Variants in DEAF1 observed in about 807,000 individuals in gnomAD.
The protein encoded by DEAF1 is deformed epidermal autoregulatory factor 1 homolog.
In DEAF1, 53 loss-of-function variants were observed where a neutral mutation model predicts 58.9. That is an observed-to-expected ratio of 0.90 (90% CI 0.72 to 1.13). DEAF1 has a LOEUF of 1.13. DEAF1 is among the 50% of genes most tolerant of loss of function. DEAF1 has a pLI of 0.00. For synonymous variants in DEAF1, 385 were observed against 340.4 expected (o/e 1.13, Z -1.44); for missense variants, 685 against 791.4 (o/e 0.87, Z 1.61).
At position 688,228 on chromosome 11, in the gene DEAF1, C is replaced by T. The variant is rs1267919019; in HGVS notation, c.517+103G>A. On this transcript the variant is annotated intron_variant, in intron 3 of 11. Coordinates refer to ENST00000382409, the MANE Select transcript of DEAF1 (RefSeq NM_021008.4). The surrounding 1 kb of genome is among the most constrained non-coding windows in gnomAD (Gnocchi z 4.3). ...TAAAATCTATTAATAGATGATATTC[C>T]AAATTTACCACAAAAAGAAACAAGT... 2 of 1,533,036 alleles carry T rather than the reference C, an allele frequency of 1.3e-6. No individual in the cohort carries two copies. The highest frequency in any genetic ancestry group is 1.8e-6 in the Non-Finnish European group (2 of 1,133,990). 95.0% of individuals were successfully genotyped at this position (1,533,036 alleles called of 1,614,324 possible). A position where few individuals can be genotyped will look rare whatever the true frequency, so the allele number is the denominator to read the frequency against.
At position 688,600 on chromosome 11, in the gene DEAF1, T is replaced by C; in HGVS notation, c.388-140A>G. ...ACGCTCACCTAGGCACCCCATATCT[T>C]TTCCAAAGATACCTCTCAAAGACTT... On this transcript the variant is annotated intron_variant, in intron 2 of 11. Coordinates refer to ENST00000382409, the MANE Select transcript of DEAF1 (RefSeq NM_021008.4). The surrounding 1 kb of genome is among the most constrained non-coding windows in gnomAD (Gnocchi z 4.3). 2 of 958,116 alleles carry C rather than the reference T, an allele frequency of 2.1e-6. No individual in the cohort carries two copies. Among genetic ancestry groups the C allele is most frequent in the Non-Finnish European group, 3.2e-6 (2 of 616,616 alleles). 59.4% of individuals were successfully genotyped at this position (958,116 alleles called of 1,614,324 possible).
At chr11:687,085 C>T in intron 4 of DEAF1, 88 bp from the exon 5 acceptor site, 1 of 1,579,316 alleles carries the variant, frequency 6.3e-7, no homozygotes, top group Non-Finnish European at 8.6e-7. Flanking sequence ...TCAACCCCTC[C>T]ACCAGCACCA....
chr11:673,529 CAAATAA>C (rs926901875), intron 10 of DEAF1, among the ~76,000 whole-genome samples: 62 of 151,850 alleles, frequency 4.1e-4, no homozygotes, highest in African/African-American at 1.4e-3. Flanking sequence ...GCCTGTTCCA[CAAATAA>C]AAATAAAAAT....
In DEAF1 at chr11:687,957, C is replaced by T; in HGVS notation, c.618G>A (p.Arg206=). ...PSVYDSELPV[R]CRNISGTLYK... ...ACAGAGTGCCGCTGATGTTCCGGCA[C>T]CGTACGGGCAGCTCACTGTCGTACA... Residue 206 remains arginine, a synonymous_variant, in exon 4 of 12, where the codon CGG becomes CGA. Transcript: ENST00000382409. The T allele has an allele frequency of 6.2e-7, 1 of 1,614,120 alleles. No individual in the cohort carries two copies. Among genetic ancestry groups the T allele is most frequent in the Non-Finnish European group, 8.5e-7 (1 of 1,180,026 alleles).
intron 2 of DEAF1, among the ~76,000 whole-genome samples, chr11:689,344 T>G (rs896038626): frequency 1.3e-5 from 2 of 151,408 alleles, no homozygotes; most frequent in Non-Finnish European, 2.9e-5. Flanking sequence ...TAGCTGGGAC[T>G]ACACACGCCC....
chr11:688,310 G>A lies in DEAF1; in HGVS notation c.517+21C>T, dbSNP rs1305957050. 6.2e-6 allele frequency: 10 copies of A among 1,611,204 alleles called. No individual in the cohort carries two copies. Among genetic ancestry groups the A allele is most frequent in the Non-Finnish European group, 7.6e-6 (9 of 1,178,526 alleles). ...CTGAAACGTGTTTTGCCCGAGGCCTGGGGTGCAGGCACCGCTGTACCTGGG... is the reference window on the plus strand; with the variant it reads ...CTGAAACGTGTTTTGCCCGAGGCCTAGGGTGCAGGCACCGCTGTACCTGGG... On this transcript the variant is annotated intron_variant, in intron 3 of 11. Transcript: ENST00000382409. The surrounding 1 kb of genome is among the most constrained non-coding windows in gnomAD (Gnocchi z 4.3).
chr11:695,621 G>C, upstream of DEAF1: 6 of 1,244,746 alleles, frequency 4.8e-6, no homozygotes, highest in Non-Finnish European at 6.1e-6. Flanking sequence ...GCTCCCGAAC[G>C]TCGGTTCTCC....
Position 694,985 on chromosome 11 carries a change from G to A in DEAF1, c.63C>T (p.Ala21=), listed in dbSNP as rs774274067. ...CGGCCGCCGCCGCCACAGCGGCCGC[G>A]GCCGCCACCGCCGCCGCCTCAGCCA... The part of the protein sequence containing the change: ...LGLAEAAAVA[A]AAAVAAAAAA... Residue 21 remains alanine (A), a synonymous_variant, in exon 1 of 12, where the codon GCC becomes GCT. Transcript: ENST00000382409. 3.5e-6 allele frequency: 4 copies of A among 1,144,870 alleles called. No homozygotes were observed. Among genetic ancestry groups the A allele is most frequent in the African/African-American group, 1.7e-5 (1 of 59,702 alleles). The allele number at this position is 1,144,870 out of a possible 1,614,324, so 70.9% of individuals were successfully genotyped here.
intron 9 of DEAF1, among the ~76,000 whole-genome samples, chr11:674,985 TAAAAAAATAC>T (rs901390821): frequency 4.6e-5 from 7 of 151,738 alleles, no homozygotes; most frequent in African/African-American, 7.3e-5. Context: ...TCACTGTGTT[TAAAAAAATAC>T]AAAAAAATAC....
intron 9 of DEAF1, among the ~76,000 whole-genome samples, chr11:675,928 C>A (rs1408106856): frequency 2.4e-5 from 3 of 125,126 alleles, no homozygotes; most frequent in Admixed American, 8.1e-5. Flanking sequence ...CTGACACCCC[C>A]CAGCACCTGA....
intron 10 of DEAF1, among the ~76,000 whole-genome samples, chr11:671,239 T>A (rs1281201592): frequency 6.6e-6 from 1 of 150,814 alleles, no homozygotes; most frequent in Non-Finnish European, 1.5e-5. Context: ...TTTTGTTTTT[T>A]GAGACAGAGT....
intron 9 of DEAF1, among the ~76,000 whole-genome samples, chr11:676,144 C>T (rs148950491): frequency 7.2e-4 from 29 of 40,148 alleles, no homozygotes; most frequent in Non-Finnish European, 1.0e-3. Context: ...ACACCCCCAG[C>T]ACCTGACATC....
At chr11:673,268 T>C (rs1247733414) in intron 10 of DEAF1, among the ~76,000 whole-genome samples, 1 of 152,238 alleles carries the variant, frequency 6.6e-6, no homozygotes, top group East Asian at 1.9e-4. Context: ...GGCTCACATC[T>C]GCAATCCCAG....
At chr11:659,944 C>T (rs1859244417) in intron 10 of DEAF1, among the ~76,000 whole-genome samples, 2 of 152,154 alleles carry the variant, frequency 1.3e-5, no homozygotes, top group Non-Finnish European at 2.9e-5. Flanking sequence ...ACAAAGTCCC[C>T]AACACAGGGC....
At position 653,933 on chromosome 11, in the gene DEAF1, G is replaced by T. The variant is rs766662003; in HGVS notation, c.1593+29C>A. 11 of 1,602,534 alleles carry T rather than the reference G, an allele frequency of 6.9e-6. No homozygotes were observed. In the East Asian group the frequency reaches 2.5e-4, roughly 36 times the overall value. On this transcript the variant is annotated intron_variant, in intron 11 of 11. Coordinates refer to ENST00000382409, the MANE Select transcript of DEAF1 (RefSeq NM_021008.4). ...CTTCGTAGCGAGGGAGGAGGCGGGG[G>T]CACTGAGCCTGGTGTAGGTGAGACC...
intron 1 of DEAF1, among the ~76,000 whole-genome samples, chr11:702,683 C>G (rs1445708446): frequency 6.6e-6 from 1 of 152,246 alleles, no homozygotes; most frequent in Non-Finnish European, 1.5e-5. Context: ...ACACAGCCGA[C>G]CCAGAAGACC....
In DEAF1 at chr11:695,220, T is replaced by C. The variant is rs1861070140; in HGVS notation, c.-173A>G. 10 of 573,456 alleles carry C rather than the reference T, an allele frequency of 1.7e-5. No homozygotes were observed. The South Asian group carries it at 3.5e-4, about 20-fold the overall frequency. 35.5% of individuals were successfully genotyped at this position (573,456 alleles called of 1,614,324 possible). A position where few individuals can be genotyped will look rare whatever the true frequency, so the allele number is the denominator to read the frequency against. The stretch of plus-strand genomic sequence containing the variant: ...AGCCGCCGAGCAGAGCCGAGCCGAG[T>C]CCGCCCGCGGAGCGGAGCCGAGGCG... On this transcript the variant is annotated 5_prime_UTR_variant, in exon 1 of 12. Coordinates refer to ENST00000382409, the MANE Select transcript of DEAF1 (RefSeq NM_021008.4).
upstream of DEAF1, chr11:699,908 G>T: frequency 1.9e-6 from 1 of 537,896 alleles, no homozygotes; most frequent in African/African-American, 1.9e-5. Flanking sequence ...TGCACAGACC[G>T]CATTGTTGTG....
chr11:703,942 CTG>C (rs989131874), intron 1 of DEAF1: 5 of 1,243,820 alleles, frequency 4.0e-6, no homozygotes, highest in East Asian at 3.1e-5. Context: ...AATTCTAGCT[CTG>C]TGTTTTTTTC....
Sources: allele counts gnomAD v4.1 joint callset (sites outside exome capture counted in the v4.1 genomes callset), GRCh38; gene constraint gnomAD v4.1.1; non-coding constraint Gnocchi (gnomAD v3.1); transcripts MANE v1.5; gene names NCBI Gene and HGNC (gene_info 2026-07-23, HGNC 2026-07-21).